FGF13: variants seen among roughly 807,000 people sequenced by gnomAD.
The protein encoded by FGF13 is fibroblast growth factor homologous factor 2.
Under a neutral mutation model 19.5 loss-of-function variants are expected in FGF13, and 2 were observed. That is an observed-to-expected ratio of 0.10 (90% CI 0.04 to 0.32). The LOEUF (loss-of-function observed/expected upper bound fraction) is 0.32. Among genes scored for constraint, FGF13 ranks in the 10% least tolerant of loss-of-function variants. The pLI is 1.00. For synonymous variants in FGF13, 72 were observed against 76.9 expected, an observed-to-expected ratio of 0.94 and a Z score of 0.33; for missense variants, 113 against 192.7, an observed-to-expected ratio of 0.59 and a Z score of 2.45.
At chrX:138,896,728 A>G (rs1455106397) in intron 1 of FGF13, among the ~76,000 whole-genome samples, 2 of 111,837 alleles carry the variant, frequency 1.8e-5, no homozygotes, top group Non-Finnish European at 3.8e-5. Flanking sequence ...TTGTTTGTTA[A>G]ATGGGAAAAT....
intron 3 of FGF13, among the ~76,000 whole-genome samples, chrX:138,661,336 T>C (rs1287263234): frequency 8.9e-6 from 1 of 111,956 alleles, no homozygotes; most frequent in Non-Finnish European, 1.9e-5. Context: ...AGAGTAATGG[T>C]TTGCTTTGTG....
At chrX:139,071,162 T>G (rs920968940) in intron 1 of FGF13, among the ~76,000 whole-genome samples, 1 of 111,816 alleles carries the variant, frequency 8.9e-6, no homozygotes, top group African/African-American at 3.2e-5. Flanking sequence ...ACTGAGAATC[T>G]TTATCTTTAA....
intron 1 of FGF13, among the ~76,000 whole-genome samples, chrX:138,710,590 T>G (rs1366682448): frequency 8.9e-6 from 1 of 111,777 alleles, no homozygotes; most frequent in East Asian, 2.8e-4. Context: ...CAGGGCAGAG[T>G]ATGCCCCCAG....
chrX:138,778,978 C>A (rs1056809112), intron 3 of FGF13, among the ~76,000 whole-genome samples: 5 of 112,408 alleles, frequency 4.4e-5, no homozygotes, highest in Non-Finnish European at 9.4e-5. Flanking sequence ...TGAGAACAGG[C>A]AGACTGCCTC....
At position 139,113,249 on chromosome X, in the gene FGF13, T is replaced by A. The variant is rs768060989; in HGVS notation, c.-113+90167A>T. On this transcript the variant is annotated intron_variant, in intron 1 of 2. Coordinates refer to the FGF13 transcript ENST00000421460. ...GAGCTCCAGATCAACCCATCATCTG[T>A]CTCTCCACCACCCCTTCTCATATTC... is the stretch of plus-strand genomic sequence containing the variant. Among the ~76,000 whole-genome samples the A allele has an allele frequency of 1.6e-3, 176 of 110,022 alleles. 2 individuals are homozygous for A. Among genetic ancestry groups the A allele is most frequent in the African/African-American group, 5.7e-3 (173 of 30,209 alleles).
chrX:138,997,430 C>CA (rs397686959), intron 1 of FGF13, among the ~76,000 whole-genome samples: 1 of 5,483 alleles, frequency 1.8e-4, no homozygotes, highest in African/African-American at 6.2e-4. Flanking sequence ...AAGCTAAGAA[C>CA]TTGAAAAAAG....
At chrX:138,771,801 G>A (rs768926952) in intron 3 of FGF13, among the ~76,000 whole-genome samples, 9 of 109,678 alleles carry the variant, frequency 8.2e-5, no homozygotes, top group Non-Finnish European at 1.5e-4. Flanking sequence ...AGGTGTCACT[G>A]CTAAATTCTG....
upstream of FGF13, among the ~76,000 whole-genome samples, chrX:138,743,369 C>G (rs143596182): frequency 9.0e-6 from 1 of 111,323 alleles, no homozygotes; most frequent in Non-Finnish European, 1.9e-5. Context: ...TCAGTGGTTG[C>G]CAGGGGTTGG....
chrX:138,723,823 A>G (rs745418812), intron 1 of FGF13, among the ~76,000 whole-genome samples: 7 of 112,307 alleles, frequency 6.2e-5, no homozygotes, highest in African/African-American at 2.3e-4. Context: ...TCTGACCAAA[A>G]GGTAACTATC....
intron 3 of FGF13, among the ~76,000 whole-genome samples, chrX:138,697,611 A>G (rs1303574566): frequency 9.0e-6 from 1 of 110,955 alleles, no homozygotes; most frequent in Non-Finnish European, 1.9e-5. Context: ...CTTCAACCCA[A>G]GCAATACTGT....
chrX:139,116,655 T>C (rs2083641426), intron 1 of FGF13, among the ~76,000 whole-genome samples: 1 of 111,206 alleles, frequency 9.0e-6, no homozygotes, highest in South Asian at 3.8e-4. Context: ...TCCTGCTCCT[T>C]CAAGTTGGTG....
rs150387821 is a variant in FGF13, at chrX:139,098,679, C to A, written c.-113+104737G>T. Among the ~76,000 whole-genome samples, 632 of 111,190 alleles carry A rather than the reference C, an allele frequency of 5.7e-3. 2 individuals are homozygous for A. Among genetic ancestry groups the A allele is most frequent in the African/African-American group, 0.02 (596 of 30,550 alleles). ...GTCACTTGTAAGTGGAAGCTAAACG[C>A]TGGGTACGCAGAAACACAGAGATGG... On this transcript the variant is annotated intron_variant, in intron 1 of 2. Coordinates refer to the FGF13 transcript ENST00000421460.
At chrX:138,694,994 C>T (rs1012642953) in intron 3 of FGF13, among the ~76,000 whole-genome samples, 8 of 71,969 alleles carry the variant, frequency 1.1e-4, no homozygotes, top group Non-Finnish European at 1.6e-4. Flanking sequence ...GAAACACACA[C>T]ACACACACAC....
chrX:139,023,530 T>C (rs1428473446), intron 1 of FGF13, among the ~76,000 whole-genome samples: 1 of 111,101 alleles, frequency 9.0e-6, no homozygotes, highest in Non-Finnish European at 1.9e-5. Context: ...GATCCAGTCA[T>C]TACATTTCTA....
At chrX:138,966,688 C>A (rs1002337480) in intron 1 of FGF13, among the ~76,000 whole-genome samples, 3 of 111,470 alleles carry the variant, frequency 2.7e-5, no homozygotes, top group African/African-American at 9.8e-5. Context: ...GATTACGACT[C>A]TGGGGGACTG....
Position 138,615,173 on chromosome X carries a change from G to A in FGF13, c.*17677C>T, listed in dbSNP as rs926227475. 2 of 110,762 alleles carry A rather than the reference G, an allele frequency of 1.8e-5. No homozygotes were observed. Among genetic ancestry groups the A allele is most frequent in the African/African-American group, 6.6e-5 (2 of 30,408 alleles). 9.1% of individuals were successfully genotyped at this position (110,762 alleles called of 1,213,427 possible). A position where few individuals can be genotyped will look rare whatever the true frequency, so the allele number is the denominator to read the frequency against. On this transcript the variant is annotated 3_prime_UTR_variant, in exon 5 of 5. Transcript: ENST00000315930. ...ATTGCATAGACCTACACACATAAAC[G>A]TGCACGCACACACACACACACATAC...
chrX:138,852,532 T>C (rs1439025877), downstream of FGF13, among the ~76,000 whole-genome samples: 2 of 111,912 alleles, frequency 1.8e-5, no homozygotes, highest in African/African-American at 3.3e-5. Context: ...ACCTCTTCCT[T>C]GTACCTTATA....
intron 3 of FGF13, among the ~76,000 whole-genome samples, chrX:138,832,420 AT>A (rs201643710): frequency 9.1e-6 from 1 of 109,915 alleles, no homozygotes; most frequent in African/African-American, 3.3e-5. Flanking sequence ...AGTGATGTTG[AT>A]TTTTTTTTCA....
chrX:139,008,307 C>G (rs975844067), intron 1 of FGF13, among the ~76,000 whole-genome samples: 2 of 112,074 alleles, frequency 1.8e-5, no homozygotes, highest in African/African-American at 6.5e-5. Context: ...CCAGGTGACC[C>G]TAGGGCAAGT....
Sources: gnomAD v4.1 joint callset for allele counts (sites outside exome capture counted in the v4.1 genomes callset) on GRCh38, gnomAD v4.1.1 for gene constraint, MANE v1.5 for transcripts, NCBI Gene and HGNC (gene_info 2026-07-23, HGNC 2026-07-21) for gene names.